The following MICAL3 variants were observed in gnomAD, a reference collection of about 807,000 sequenced individuals.
MICAL3 encodes the protein microtubule associated monooxygenase, calponin and LIM domain containing 3.
In MICAL3, 62 loss-of-function variants were observed where a neutral mutation model predicts 207.4. That is an observed-to-expected ratio of 0.30 (90% CI 0.24 to 0.37). The LOEUF (loss-of-function observed/expected upper bound fraction) is 0.37. MICAL3 is among the 10% of genes least tolerant of loss of function. MICAL3 has a pLI of 1.00. For synonymous variants in MICAL3, 1,077 were observed against 1,069.3 expected, an observed-to-expected ratio of 1.01 and a Z score of -0.14; for missense variants, 2,368 against 2,635.6, an observed-to-expected ratio of 0.90 and a Z score of 2.22.
intron 17 of MICAL3, among the ~76,000 whole-genome samples, 169 bp downstream of exon 17, chr22:17,871,668 G>C (rs1225557445): frequency 6.6e-6 from 1 of 152,208 alleles, no homozygotes; most frequent in African/African-American, 2.4e-5. Flanking sequence ...ATAAGTAAGA[G>C]TCTTAGAGAA....
At chr22:17,925,333 T>C (rs562961133) in intron 1 of MICAL3, among the ~76,000 whole-genome samples, 1 of 152,242 alleles carries the variant, frequency 6.6e-6, no homozygotes, top group South Asian at 2.1e-4. Flanking sequence ...GAGGGCATGT[T>C]TTTCTATACC....
rs575881712 is a variant in MICAL3, at chr22:17,872,638, T to C, written c.2242-615A>G. On this transcript the variant is annotated intron_variant, in intron 16 of 31. Coordinates refer to ENST00000441493, the MANE Select transcript of MICAL3 (RefSeq NM_015241.3). ...AAACCCAGACAACCTCAAAAGCAAT[T>C]ACCGCATAGCATACACGGGCTATGC... 2.1e-4 allele frequency: 152 copies of C among 711,074 alleles called. 1 individual carries two copies. In the South Asian group the frequency reaches 2.3e-3, roughly 11 times the overall value. 44.0% of individuals were successfully genotyped at this position (711,074 alleles called of 1,614,324 possible).
chr22:17,819,971 T>G (rs1213753497), intron 25 of MICAL3, among the ~76,000 whole-genome samples: 11 of 94,292 alleles, frequency 1.2e-4, no homozygotes, highest in Admixed American at 1.1e-3. Context: ...AAAAAAAAAA[T>G]CCAATCAGTG....
intron 19 of MICAL3, among the ~76,000 whole-genome samples, chr22:17,859,380 T>TGC (rs1160203020): frequency 6.6e-6 from 1 of 152,206 alleles, no homozygotes; most frequent in African/African-American, 2.4e-5. Flanking sequence ...CTGAGTGCTT[T>TGC]GCCCACTACA....
At chr22:17,857,050 C>G (rs1018824131) in intron 19 of MICAL3, among the ~76,000 whole-genome samples, 1 of 152,150 alleles carries the variant, frequency 6.6e-6, no homozygotes, top group African/African-American at 2.4e-5. Flanking sequence ...AACAGGGCAA[C>G]AATAAATAAA....
At chr22:17,942,962 G>A (rs960979158) in intron 1 of MICAL3, among the ~76,000 whole-genome samples, 1 of 152,220 alleles carries the variant, frequency 6.6e-6, no homozygotes, top group Non-Finnish European at 1.5e-5. Context: ...GAACACAGGC[G>A]ATGCTGAACT....
chr22:17,818,186 G>A lies in MICAL3; in HGVS notation c.4475C>T (p.Ala1492Val), dbSNP rs774355852. The A allele has an allele frequency of 3.2e-6, 5 of 1,568,276 alleles. No homozygotes were observed. In the African/African-American group the frequency reaches 5.4e-5, roughly 17 times the overall value. The change falls in exon 26 of 32, where the codon GCC (alanine) becomes GTC (valine). Residue 1492 changes from alanine to valine, a missense_variant. Ala to Val is a moderately conservative substitution (Grantham distance 64, BLOSUM62 0). Transcript: ENST00000441493. ...NASVVPPPLP[A>V]TWMRPPREPA... Reference sequence around the variant, plus strand: ...CTCCCGGGGGGGCCGCATCCAGGTGGCGGGCAAGGGCGGCGGGACCACCGA... The same window carrying A: ...CTCCCGGGGGGGCCGCATCCAGGTGACGGGCAAGGGCGGCGGGACCACCGA...
At position 17,789,478 on chromosome 22, in the gene MICAL3, C is replaced by A. The variant is rs1376990563; in HGVS notation, c.*1254G>T. 2.0e-5 allele frequency: 3 copies of A among 152,252 alleles called. No individual in the cohort carries two copies. The highest frequency in any genetic ancestry group is 2.9e-5 in the Non-Finnish European group (2 of 68,056). The allele number at this position is 152,252 out of a possible 1,614,324, so 9.4% of individuals were successfully genotyped here. A position where few individuals can be genotyped will look rare whatever the true frequency, so the allele number is the denominator to read the frequency against. The stretch of plus-strand genomic sequence containing the variant: ...CACTGGGAGGGTGAGAGTGGCAGCT[C>A]TGCTGTTGGCCTGGCCCAAAACAGA... On this transcript the variant is annotated 3_prime_UTR_variant, in exon 32 of 32. Coordinates refer to ENST00000441493, the MANE Select transcript of MICAL3 (RefSeq NM_015241.3).
chr22:17,844,678 C>T (rs541097712), intron 19 of MICAL3, among the ~76,000 whole-genome samples: 3 of 152,320 alleles, frequency 2.0e-5, no homozygotes, highest in East Asian at 1.9e-4. Context: ...GCCCTGTACA[C>T]GTGCCCACTT....
chr22:17,790,982 G>GC lies in MICAL3; in HGVS notation c.5824+15dup. On this transcript the variant is annotated intron_variant, in intron 31 of 31. Transcript: ENST00000441493. The stretch of plus-strand genomic sequence containing the variant: ...GGCACCCACCCTGGCCTCCATGGGT[G>GC]CCTTACCCCACTCACCTTCCACTGC... 1 of 1,611,874 alleles carries GC rather than the reference G, an allele frequency of 6.2e-7. No homozygotes were observed. Among genetic ancestry groups the GC allele is most frequent in the Non-Finnish European group, 8.5e-7 (1 of 1,179,586 alleles).
chr22:17,864,049 G>A, intron 19 of MICAL3: 1 of 986,124 alleles, frequency 1.0e-6, no homozygotes, highest in Non-Finnish European at 1.2e-6. Context: ...AGAACACCCA[G>A]CAGTTTGTGG....
In MICAL3 at chr22:17,841,772, G is replaced by A. The variant is rs1924036281; in HGVS notation, c.2801+50C>T. 3 of 1,521,078 alleles carry A rather than the reference G, an allele frequency of 2.0e-6. No homozygotes were observed. The highest frequency in any genetic ancestry group is 4.9e-5 in the East Asian group (2 of 40,548). The allele number at this position is 1,521,078 out of a possible 1,614,324, so 94.2% of individuals were successfully genotyped here. A position where few individuals can be genotyped will look rare whatever the true frequency, so the allele number is the denominator to read the frequency against. ...AACCGAGACACACAGAGGTGAGGAG[G>A]CTCTTAGGGCCGTGTGGCGGGTGGG... On this transcript the variant is annotated intron_variant, in intron 20 of 31. Coordinates refer to ENST00000441493, the MANE Select transcript of MICAL3 (RefSeq NM_015241.3). This position sits in a 1 kb window ranked among gnomAD's most constrained non-coding sequence, Gnocchi z 4.2.
At chr22:17,828,771 A>G (rs1922479371) in intron 21 of MICAL3, among the ~76,000 whole-genome samples, 1 of 152,216 alleles carries the variant, frequency 6.6e-6, no homozygotes, top group African/African-American at 2.4e-5. Context: ...ACAGCTAGCA[A>G]CTGGGAAGGG....
intron 16 of MICAL3, among the ~76,000 whole-genome samples, chr22:17,874,084 C>T (rs987853135): frequency 1.3e-5 from 2 of 152,176 alleles, no homozygotes; most frequent in Admixed American, 6.5e-5. Context: ...AGCAGGCGCT[C>T]GAGGGGCTCA....
At chr22:17,991,187 G>T (rs1472419688) in intron 1 of MICAL3, among the ~76,000 whole-genome samples, 1 of 152,218 alleles carries the variant, frequency 6.6e-6, no homozygotes, top group Non-Finnish European at 1.5e-5. Context: ...AACAGGCCCA[G>T]ATGACAGGCC....
chr22:17,998,378 T>C (rs1194658004), intron 1 of MICAL3, among the ~76,000 whole-genome samples: 1 of 97,048 alleles, frequency 1.0e-5, no homozygotes, highest in Non-Finnish European at 2.3e-5. Flanking sequence ...TTAAAGCAAA[T>C]CATGTTACCT....
intron 1 of MICAL3, among the ~76,000 whole-genome samples, chr22:17,916,847 T>G (rs1401630854): frequency 2.6e-5 from 4 of 152,152 alleles, no homozygotes. Flanking sequence ...CATCTCCTTC[T>G]ACATCAGTGG....
At chr22:17,880,856 C>G (rs951532307) in intron 16 of MICAL3, among the ~76,000 whole-genome samples, 1 of 152,214 alleles carries the variant, frequency 6.6e-6, no homozygotes, top group Admixed American at 6.5e-5. Flanking sequence ...CACTGTGCAG[C>G]GAGAGAAAAG....
intron 1 of MICAL3, among the ~76,000 whole-genome samples, chr22:17,926,605 T>C (rs545146193): frequency 2.0e-5 from 3 of 152,174 alleles, no homozygotes; most frequent in Non-Finnish European, 4.4e-5. Context: ...CAAACTTATG[T>C]CTCTCCCTGA....
Sources: gnomAD v4.1 joint callset for allele counts (sites outside exome capture counted in the v4.1 genomes callset) on GRCh38, gnomAD v4.1.1 for gene constraint, Gnocchi (gnomAD v3.1) non-coding constraint, MANE v1.5 for transcripts, NCBI Gene and HGNC (gene_info 2026-07-23, HGNC 2026-07-21) for gene names.